The following EYS variants were observed in gnomAD, a reference collection of about 807,000 sequenced individuals.
The protein encoded by EYS is protein eyes shut homolog.
Under a neutral mutation model 282.1 loss-of-function variants are expected in EYS, and 250 were observed. The ratio of observed to expected loss-of-function variants is 0.89; its 90% CI spans 0.80 to 0.98. The LOEUF is 0.98. Among genes scored for constraint, EYS ranks in the 50% least tolerant of loss-of-function variants. The probability of loss-of-function intolerance (pLI) is 0.00; values close to 1 mark genes in which losing one functional copy is unlikely to be tolerated. For synonymous variants in EYS, 1,355 were observed against 1,282.9 expected (o/e 1.06, Z -1.20); for missense variants, 4,016 against 3,709.0 (o/e 1.08, Z -2.15).
chr6:65,309,557 G>A (rs562302365), intron 11 of EYS, among the ~76,000 whole-genome samples: 2 of 152,256 alleles, frequency 1.3e-5, no homozygotes, highest in Non-Finnish European at 2.9e-5. Flanking sequence ...AGCTTAAAAG[G>A]GGGACTTTTA....
intron 1 of EYS, among the ~76,000 whole-genome samples, chr6:65,694,852 C>T (rs988963363): frequency 6.6e-6 from 1 of 151,504 alleles, no homozygotes; most frequent in Non-Finnish European, 1.5e-5. Flanking sequence ...TTTCTTCCTT[C>T]AAAGTGTTTA....
chr6:65,092,062 T>C (rs947331010), intron 12 of EYS, among the ~76,000 whole-genome samples: 2 of 152,178 alleles, frequency 1.3e-5, no homozygotes, highest in African/African-American at 2.4e-5. Flanking sequence ...TTTTAATTTA[T>C]ATTTTTGTGA....
chr6:63,819,444 G>A (rs1468910875), intron 36 of EYS, among the ~76,000 whole-genome samples: 4 of 152,154 alleles, frequency 2.6e-5, no homozygotes, highest in Non-Finnish European at 1.5e-5. Flanking sequence ...GGATGATCAC[G>A]AGACAGACTG....
chr6:65,667,100 AAC>A (rs1210209458), intron 1 of EYS, among the ~76,000 whole-genome samples: 1 of 151,802 alleles, frequency 6.6e-6, no homozygotes, highest in Non-Finnish European at 1.5e-5. Flanking sequence ...TAAAAATGCA[AAC>A]ACAGAATTAA....
At chr6:64,324,802 A>G (rs569362798) in intron 29 of EYS, among the ~76,000 whole-genome samples, 24 of 152,334 alleles carry the variant, frequency 1.6e-4, no homozygotes, top group African/African-American at 5.0e-4. Flanking sequence ...AAAAATCGGT[A>G]TATTTCTATG....
At chr6:64,634,655 A>G (rs1767910713) in intron 22 of EYS, among the ~76,000 whole-genome samples, 1 of 152,140 alleles carries the variant, frequency 6.6e-6, no homozygotes, top group African/African-American at 2.4e-5. Flanking sequence ...GATGAAAAGC[A>G]TTAAAAACAA....
chr6:64,060,937 T>G (rs1290104890), intron 33 of EYS, among the ~76,000 whole-genome samples: 2 of 152,186 alleles, frequency 1.3e-5, no homozygotes, highest in South Asian at 2.1e-4. Flanking sequence ...ACCGAGCTAT[T>G]AAAAAGTGGC....
At chr6:64,171,103 TTA>T (rs1764465650) in intron 31 of EYS, among the ~76,000 whole-genome samples, 1 of 152,174 alleles carries the variant, frequency 6.6e-6, no homozygotes. Context: ...GCCCACTACT[TTA>T]TGATACAAAG....
At chr6:64,733,885 T>C (rs954468373) in intron 22 of EYS, 1 of 156,568 alleles carries the variant, frequency 6.4e-6, no homozygotes, top group Non-Finnish European at 1.4e-5. Context: ...ATCCTCCTCA[T>C]AGGCTAAATT....
chr6:64,950,834 TTG>T (rs1309158235), intron 14 of EYS, among the ~76,000 whole-genome samples: 3 of 81,182 alleles, frequency 3.7e-5, no homozygotes, highest in Admixed American at 3.2e-4. Context: ...TATATATATA[TTG>T]TTGAATTGTT....
intron 22 of EYS, among the ~76,000 whole-genome samples, chr6:64,760,080 C>T (rs1307213952): frequency 6.6e-6 from 1 of 152,136 alleles, no homozygotes; most frequent in Non-Finnish European, 1.5e-5. Flanking sequence ...ATATATTTTA[C>T]ACTTGTTGGA....
At chr6:64,593,843 A>G (rs1423685721) in intron 24 of EYS, among the ~76,000 whole-genome samples, 2 of 152,160 alleles carry the variant, frequency 1.3e-5, no homozygotes, top group Non-Finnish European at 2.9e-5. Context: ...ACCATATCCT[A>G]TAAAATAGCT....
intron 30 of EYS, among the ~76,000 whole-genome samples, chr6:64,246,304 A>G (rs546799934): frequency 2.6e-5 from 4 of 151,578 alleles, no homozygotes; most frequent in African/African-American, 9.7e-5. Flanking sequence ...TGAACGTTAT[A>G]TATGTCTTAT....
At chr6:65,339,915 C>CA (rs1218354457) in intron 10 of EYS, among the ~76,000 whole-genome samples, 1 of 150,828 alleles carries the variant, frequency 6.6e-6, no homozygotes, top group Non-Finnish European at 1.5e-5. Flanking sequence ...TTTACAACTG[C>CA]AAATTTTTTA....
intron 35 of EYS, among the ~76,000 whole-genome samples, chr6:63,969,724 C>T (rs1026181295): frequency 6.6e-6 from 1 of 152,102 alleles, no homozygotes; most frequent in Admixed American, 6.5e-5. Context: ...ATTGAGAATC[C>T]CTGTTCTTCA....
At chr6:64,693,558 CA>C (rs1224069199) in intron 22 of EYS, among the ~76,000 whole-genome samples, 1 of 151,952 alleles carries the variant, frequency 6.6e-6, no homozygotes, top group Non-Finnish European at 1.5e-5. Flanking sequence ...GGCTTGCTGC[CA>C]GATTGTGATG....
chr6:63,999,281 T>C, intron 33 of EYS, 98 bp from the exon 34 acceptor site: 1 of 777,508 alleles, frequency 1.3e-6, no homozygotes, highest in Middle Eastern at 2.6e-4. Context: ...TTGAGAGAGG[T>C]ACTTTCTGGA....
chr6:65,001,024 G>A (rs1022560518), intron 13 of EYS, among the ~76,000 whole-genome samples: 1 of 152,216 alleles, frequency 6.6e-6, no homozygotes, highest in African/African-American at 2.4e-5. Context: ...CAGATAGGCA[G>A]GTGCAGAGGC....
At chr6:64,345,020 C>T (rs1451089771) in intron 29 of EYS, among the ~76,000 whole-genome samples, 2 of 152,074 alleles carry the variant, frequency 1.3e-5, no homozygotes, top group African/African-American at 4.8e-5. Context: ...TCAAGGAGAA[C>T]TACAAACCGC....
Sources: gnomAD v4.1 joint callset for allele counts (sites outside exome capture counted in the v4.1 genomes callset) on GRCh38, gnomAD v4.1.1 for gene constraint, MANE v1.5 for transcripts, NCBI Gene and HGNC (gene_info 2026-07-23, HGNC 2026-07-21) for gene names.